PKD1L1: variants seen among roughly 807,000 people sequenced by gnomAD.
PKD1L1 encodes polycystin-1-like protein 1.
In PKD1L1, 236 loss-of-function variants were observed where a neutral mutation model predicts 323.4. The ratio of observed to expected loss-of-function variants is 0.73; its 90% confidence interval spans 0.66 to 0.81. The LOEUF is 0.81. PKD1L1 is among the 40% of genes least tolerant of loss of function. The pLI is 0.00. For missense variants in PKD1L1, 3,320 were observed against 3,508.0 expected (o/e 0.95, Z 1.35); for synonymous variants, 1,344 against 1,335.0 (o/e 1.01, Z -0.15).
At chr7:47,802,845 G>C (rs1784693613) in intron 53 of PKD1L1, among the ~76,000 whole-genome samples, 2 of 152,218 alleles carry the variant, frequency 1.3e-5, no homozygotes, top group Admixed American at 1.3e-4. Context: ...AACTGTGCCT[G>C]TCCATAGCTT....
intron 45 of PKD1L1, among the ~76,000 whole-genome samples, chr7:47,821,899 G>A (rs1257971937): frequency 5.9e-5 from 9 of 151,936 alleles, no homozygotes; most frequent in East Asian, 2.0e-4. Flanking sequence ...ATGTTGAGCA[G>A]GCTGGTCTTA....
intron 33 of PKD1L1, among the ~76,000 whole-genome samples, chr7:47,844,579 T>C (rs914805314): frequency 6.6e-5 from 10 of 152,176 alleles, no homozygotes; most frequent in African/African-American, 2.2e-4. Flanking sequence ...TTATCTAAAA[T>C]GGGATACTCC....
intron 52 of PKD1L1, among the ~76,000 whole-genome samples, chr7:47,805,411 C>A (rs1027751543): frequency 7.4e-6 from 1 of 134,390 alleles, no homozygotes; most frequent in South Asian, 2.3e-4. Context: ...AGCTAAATTC[C>A]TCTAACTGTC....
Position 47,946,417 on chromosome 7 carries a change from T to A in PKD1L1, c.44+1980A>T, listed in dbSNP as rs1298841967. On this transcript the variant is annotated intron_variant, in intron 1 of 56. Coordinates refer to ENST00000289672, the MANE Select transcript of PKD1L1 (RefSeq NM_138295.5). The surrounding 1 kb of genome is among the most constrained non-coding windows in gnomAD (Gnocchi z 4.1). ...CACCACACAAACACACCACACAGCA[T>A]CACACACAATATACACACACCACAC... Among the ~76,000 whole-genome samples, 2 of 137,326 alleles carry A rather than the reference T, an allele frequency of 1.5e-5. No homozygotes were observed. Among genetic ancestry groups the A allele is most frequent in the African/African-American group, 2.8e-5 (1 of 36,138 alleles). 90.1% of individuals were successfully genotyped at this position (137,326 alleles called of 152,430 possible).
At chr7:47,873,649 C>CAAA (rs57012071) in intron 24 of PKD1L1, among the ~76,000 whole-genome samples, 30 of 77,982 alleles carry the variant, frequency 3.8e-4, no homozygotes, top group East Asian at 7.5e-4. Flanking sequence ...GACTCTGTCT[C>CAAA]AAAAAAAAAA....
At chr7:47,779,254 A>G (rs942316790) in intron 56 of PKD1L1, among the ~76,000 whole-genome samples, 3 of 152,218 alleles carry the variant, frequency 2.0e-5, no homozygotes, top group East Asian at 1.9e-4. Flanking sequence ...CCATCACCTG[A>G]GAGCAGAGAT....
chr7:47,798,617 T>A (rs1784593695), intron 54 of PKD1L1, among the ~76,000 whole-genome samples: 1 of 151,688 alleles, frequency 6.6e-6, no homozygotes. Context: ...TAGCTGGGTG[T>A]GGTGGCACAC....
intron 56 of PKD1L1, among the ~76,000 whole-genome samples, chr7:47,781,553 A>C (rs915308165): frequency 2.0e-5 from 3 of 150,892 alleles, no homozygotes; most frequent in Non-Finnish European, 4.4e-5. Flanking sequence ...GGACTACAGG[A>C]GCCTGCCACC....
chr7:47,785,904 G>A (rs1478835185), intron 56 of PKD1L1, among the ~76,000 whole-genome samples: 3 of 152,028 alleles, frequency 2.0e-5, no homozygotes, highest in Admixed American at 6.6e-5. Context: ...ACCACAGCCG[G>A]CTAATTTTTG....
intron 8 of PKD1L1, among the ~76,000 whole-genome samples, chr7:47,913,126 T>A (rs1474762181): frequency 1.3e-5 from 2 of 152,020 alleles, no homozygotes; most frequent in Non-Finnish European, 2.9e-5. Flanking sequence ...ACAACCAGAT[T>A]CCCCAGGAAA....
chr7:47,800,280 C>T (rs1251208304), intron 54 of PKD1L1, among the ~76,000 whole-genome samples: 2 of 152,160 alleles, frequency 1.3e-5, no homozygotes, highest in East Asian at 3.8e-4. Flanking sequence ...GAGTGCAACT[C>T]TGATAAGATG....
rs183654618 is a variant in PKD1L1, at chr7:47,825,255, T to C, written c.6854+2095A>G. The stretch of plus-strand genomic sequence containing the variant: ...AGAGTTGCTGGTCCTTTAGGCCAGG[T>C]GTGGTGGCTCATGCCTATAATCCCA... On this transcript the variant is annotated intron_variant, in intron 45 of 56. Transcript: ENST00000289672. Among the ~76,000 whole-genome samples, 37 of 150,382 alleles carry C rather than the reference T, an allele frequency of 2.5e-4. 1 individual carries two copies. The highest frequency in any genetic ancestry group is 7.0e-4 in the African/African-American group (29 of 41,376).
chr7:47,790,067 T>A (rs1458616988), intron 56 of PKD1L1, among the ~76,000 whole-genome samples: 1 of 151,822 alleles, frequency 6.6e-6, no homozygotes, highest in African/African-American at 2.4e-5. Context: ...TTTTTTGTAT[T>A]TTTAGTAGAG....
intron 52 of PKD1L1, among the ~76,000 whole-genome samples, chr7:47,807,786 G>T (rs1440255311): frequency 6.6e-5 from 10 of 152,178 alleles, no homozygotes; most frequent in Admixed American, 5.2e-4. Flanking sequence ...AGGAGGTACA[G>T]GGACTTTGAA....
chr7:47,891,522 G>A (rs1328122840), intron 15 of PKD1L1, among the ~76,000 whole-genome samples: 1 of 152,244 alleles, frequency 6.6e-6, no homozygotes, highest in African/African-American at 2.4e-5. Context: ...TCACCTAAAT[G>A]TGAACTGATA....
chr7:47,887,755 A>AT (rs1322470865), intron 17 of PKD1L1, among the ~76,000 whole-genome samples: 18 of 152,158 alleles, frequency 1.2e-4, no homozygotes, highest in African/African-American at 4.1e-4. Flanking sequence ...GCAGCCTTCC[A>AT]TATCACACTG....
intron 52 of PKD1L1, among the ~76,000 whole-genome samples, chr7:47,804,982 C>T (rs553680962): frequency 2.0e-5 from 3 of 152,128 alleles, no homozygotes; most frequent in Admixed American, 6.5e-5. Context: ...TTGAGGGATG[C>T]CATAAAGCCT....
intron 24 of PKD1L1, among the ~76,000 whole-genome samples, chr7:47,871,257 T>TGTC (rs1203133455): frequency 1.3e-5 from 2 of 152,226 alleles, no homozygotes; most frequent in Non-Finnish European, 2.9e-5. Context: ...GTATCTTAGT[T>TGTC]TGTGCTATTA....
chr7:47,892,356 A>G (rs1786838338), intron 15 of PKD1L1, among the ~76,000 whole-genome samples: 1 of 152,194 alleles, frequency 6.6e-6, no homozygotes, highest in African/African-American at 2.4e-5. Flanking sequence ...GAGGGGCAGG[A>G]AGGCCAAACG....
Sources: gnomAD v4.1 joint callset for allele counts (sites outside exome capture counted in the v4.1 genomes callset) on GRCh38, gnomAD v4.1.1 for gene constraint, Gnocchi (gnomAD v3.1) non-coding constraint, MANE v1.5 for transcripts, NCBI Gene and HGNC (gene_info 2026-07-23, HGNC 2026-07-21) for gene names.